The following FBXW2 variants were observed in gnomAD, a reference collection of about 807,000 sequenced individuals.
The protein encoded by FBXW2 is F-box/WD repeat-containing protein 2.
In FBXW2, 12 loss-of-function variants were observed where a neutral mutation model predicts 46.0. The ratio of observed to expected loss-of-function variants is 0.26; its 90% confidence interval spans 0.17 to 0.42. The LOEUF (loss-of-function observed/expected upper bound fraction) is 0.42. Ranked by LOEUF, FBXW2 falls within the 10% of genes least tolerant of loss-of-function variation. The pLI, the probability that FBXW2 is intolerant of heterozygous loss-of-function variation, is 1.00. For missense variants in FBXW2, 360 were observed against 537.0 expected (o/e 0.67, Z 3.26); for synonymous variants, 203 against 209.6 (o/e 0.97, Z 0.27).
At chr9:120,780,525 G>C (rs1312552356) in intron 3 of FBXW2, among the ~76,000 whole-genome samples, 1 of 152,158 alleles carries the variant, frequency 6.6e-6, no homozygotes, top group African/African-American at 2.4e-5. Context: ...ACTAGCCACA[G>C]CTCAAGTACT....
chr9:120,764,812 A>G lies in FBXW2; in HGVS notation c.1112T>C (p.Leu371Ser). Residue 371 changes from leucine (L) to serine (S), a missense_variant, in exon 8 of 8, where the codon TTG (leucine) becomes TCG (serine). Leu to Ser is a moderately radical substitution (Grantham distance 145). Coordinates refer to ENST00000608872, the MANE Select transcript of FBXW2 (RefSeq NM_012164.4). ...GGCAAAGATATCTCCAAAGCCAAGC[A>G]AGGCCAAGTTTGCTATCTCAGGAGT... ...IKTPEIANLALLGFGDIFALL... is the reference protein window; with the variant it reads ...IKTPEIANLASLGFGDIFALL... The G allele has an allele frequency of 6.2e-7, 1 of 1,601,446 alleles. No individual in the cohort carries two copies. Among genetic ancestry groups the G allele is most frequent in the Non-Finnish European group, 8.5e-7 (1 of 1,171,764 alleles).
chr9:120,764,240 T>C lies in FBXW2; in HGVS notation c.*319A>G, dbSNP rs577755555. On this transcript the variant is annotated 3_prime_UTR_variant, in exon 8 of 8. Coordinates refer to ENST00000608872, the MANE Select transcript of FBXW2 (RefSeq NM_012164.4). Reference sequence around the variant, plus strand: ...AACCAATTAGCAGATTAATGGATCATTTAACTTTCTTTACTTAAAACCAAT... The same window carrying C: ...AACCAATTAGCAGATTAATGGATCACTTAACTTTCTTTACTTAAAACCAAT... 1.0e-4 allele frequency: 42 copies of C among 407,156 alleles called. No homozygotes were observed. Among genetic ancestry groups the C allele is most frequent in the Non-Finnish European group, 1.5e-4 (35 of 231,144 alleles). 25.2% of individuals were successfully genotyped at this position (407,156 alleles called of 1,614,324 possible).
intron 2 of FBXW2, among the ~76,000 whole-genome samples, chr9:120,791,246 G>A (rs867419539): frequency 6.6e-6 from 1 of 152,170 alleles, no homozygotes; most frequent in Non-Finnish European, 1.5e-5. Context: ...TTCAACATGA[G>A]GAGCTTTTAA....
chr9:120,777,788 A>C (rs1350677796), intron 4 of FBXW2, among the ~76,000 whole-genome samples: 1 of 151,060 alleles, frequency 6.6e-6, no homozygotes, highest in Non-Finnish European at 1.5e-5. Context: ...AGTTTTTGCA[A>C]AATAAGGATG....
At chr9:120,792,669 C>G (rs557918266) in intron 2 of FBXW2, 73 of 251,038 alleles carry the variant, frequency 2.9e-4, no homozygotes, top group South Asian at 2.8e-3. Flanking sequence ...TTGGGCAAAT[C>G]ACTTCACCTG....
chr9:120,770,392 A>C (rs921918778), intron 7 of FBXW2, among the ~76,000 whole-genome samples: 2 of 151,890 alleles, frequency 1.3e-5, no homozygotes, highest in Admixed American at 1.3e-4. Context: ...AAAAAAAAAA[A>C]CAATGAAGAG....
At chr9:120,765,092 A>C (rs1487594582) in intron 7 of FBXW2, among the ~76,000 whole-genome samples, 2 of 151,742 alleles carry the variant, frequency 1.3e-5, no homozygotes, top group Non-Finnish European at 2.9e-5. Flanking sequence ...GTGTTTGATC[A>C]AAGTTTTTTT....
At position 120,761,601 on chromosome 9, in the gene FBXW2, C is replaced by T. The variant is rs1216630710; in HGVS notation, c.*2958G>A. ...TGCTTTCTTTTGCAAAAAGGATGAG[C>T]TAGTTTTCCATTTTTATAAAAACTG... On this transcript the variant is annotated 3_prime_UTR_variant, in exon 8 of 8. Transcript: ENST00000608872. 6.6e-6 allele frequency: 1 copy of T among 152,184 alleles called. No homozygotes were observed. The highest frequency in any genetic ancestry group is 2.4e-5 in the African/African-American group (1 of 41,432). 9.4% of individuals were successfully genotyped at this position (152,184 alleles called of 1,614,324 possible).
intron 6 of FBXW2, 51 bp downstream of exon 6, chr9:120,772,703 T>C (rs754850532): frequency 9.6e-6 from 12 of 1,248,816 alleles, no homozygotes; most frequent in Non-Finnish European, 1.3e-5. Context: ...CATTTTCTTA[T>C]GTTTTCCAGT....
At chr9:120,778,865 C>T (rs368936868) in intron 3 of FBXW2, among the ~76,000 whole-genome samples, 38 of 152,330 alleles carry the variant, frequency 2.5e-4, no homozygotes, top group African/African-American at 8.7e-4. Context: ...TTGGCTATCA[C>T]GAGCTCTCTG....
chr9:120,758,977 T>C lies in FBXW2; in HGVS notation c.*5582A>G, dbSNP rs1324928809. ...AAAATTATTTCCTTGTGTTTTACCTTTATTGTTTTGCTTTTTGGATCACCT... is the reference window on the plus strand; with the variant it reads ...AAAATTATTTCCTTGTGTTTTACCTCTATTGTTTTGCTTTTTGGATCACCT... On this transcript the variant is annotated 3_prime_UTR_variant, in exon 8 of 8. Coordinates refer to ENST00000608872, the MANE Select transcript of FBXW2 (RefSeq NM_012164.4). 2 of 152,264 alleles carry C rather than the reference T, an allele frequency of 1.3e-5. No homozygotes were observed. Among genetic ancestry groups the C allele is most frequent in the Admixed American group, 1.3e-4 (2 of 15,284 alleles). The allele number at this position is 152,264 out of a possible 1,614,324, so 9.4% of individuals were successfully genotyped here. A position where few individuals can be genotyped will look rare whatever the true frequency, so the allele number is the denominator to read the frequency against.
chr9:120,781,849 C>A (rs563684510), intron 3 of FBXW2, among the ~76,000 whole-genome samples: 1 of 151,690 alleles, frequency 6.6e-6, no homozygotes, highest in Non-Finnish European at 1.5e-5. Context: ...GTGGAGAAAT[C>A]CCATCTCTAA....
intron 2 of FBXW2, chr9:120,792,851 C>T (rs1051347696): frequency 4.6e-5 from 67 of 1,456,460 alleles, no homozygotes; most frequent in African/African-American, 2.7e-4. Flanking sequence ...ATATTGTTAT[C>T]TTTGCTTTAC....
chr9:120,767,168 C>T (rs28439508), intron 7 of FBXW2, among the ~76,000 whole-genome samples: 145 of 152,224 alleles, frequency 9.5e-4, no homozygotes, highest in African/African-American at 3.4e-3. Context: ...TACAAATTCT[C>T]TCTCATGGGC....
rs942230221 is a variant in FBXW2 at position 120,757,983 on chromosome 9, C to T, written c.*6576G>A. The T allele has an allele frequency of 4.6e-5, 7 of 152,170 alleles. No individual in the cohort carries two copies. Among genetic ancestry groups the T allele is most frequent in the African/African-American group, 1.2e-4 (5 of 41,442 alleles). The allele number at this position is 152,170 out of a possible 1,614,324, so 9.4% of individuals were successfully genotyped here. ...ATTTTTCTTCCAAGTTTAGATAGCTCTTAAGACAATCCATGGAATTCATTA... is the reference window on the plus strand; with the variant it reads ...ATTTTTCTTCCAAGTTTAGATAGCTTTTAAGACAATCCATGGAATTCATTA... On this transcript the variant is annotated 3_prime_UTR_variant, in exon 8 of 8. Transcript: ENST00000608872.
At chr9:120,786,873 A>T (rs1458625459) in intron 3 of FBXW2, among the ~76,000 whole-genome samples, 1 of 152,220 alleles carries the variant, frequency 6.6e-6, no homozygotes, top group African/African-American at 2.4e-5. Flanking sequence ...ATATAATTTT[A>T]AATTTTTAAT....
intron 6 of FBXW2, 109 bp from the exon 7 acceptor site, chr9:120,771,626 G>A: frequency 1.1e-6 from 1 of 909,802 alleles, no homozygotes; most frequent in South Asian, 1.8e-5. Context: ...AAGTATACTG[G>A]AAAGACCCCA....
At chr9:120,790,400 C>T (rs902860191) in intron 2 of FBXW2, among the ~76,000 whole-genome samples, 3 of 152,068 alleles carry the variant, frequency 2.0e-5, no homozygotes, top group African/African-American at 4.8e-5. Context: ...AGGAGAATGG[C>T]GTGAACCCAG....
rs891659495 is a variant in FBXW2 at position 120,761,845 on chromosome 9, C to T, written c.*2714G>A. On this transcript the variant is annotated 3_prime_UTR_variant, in exon 8 of 8. Transcript: ENST00000608872. ...AAAATTCCAGCGGCACCAAGTACCA[C>T]CTTGATGACTTCTGTATTCACCACT... 2 of 152,090 alleles carry T rather than the reference C, an allele frequency of 1.3e-5. No homozygotes were observed. The highest frequency in any genetic ancestry group is 2.9e-5 in the Non-Finnish European group (2 of 68,022). 9.4% of individuals were successfully genotyped at this position (152,090 alleles called of 1,614,324 possible).
Sources: allele counts gnomAD v4.1 joint callset (sites outside exome capture counted in the v4.1 genomes callset), GRCh38; gene constraint gnomAD v4.1.1; transcripts MANE v1.5; gene names NCBI Gene and HGNC (gene_info 2026-07-23, HGNC 2026-07-21).